The following DCBLD1 variants were observed in gnomAD, a reference collection of about 807,000 sequenced individuals.
DCBLD1 encodes the protein discoidin, CUB and LCCL domain containing 1.
DCBLD1 carries 57 observed loss-of-function variants against 71.5 expected under a neutral mutation model. That is an observed-to-expected ratio of 0.80 (90% CI 0.64 to 0.99). The LOEUF is 0.99. Ranked by LOEUF, DCBLD1 falls within the 50% of genes least tolerant of loss-of-function variation. The probability of loss-of-function intolerance (pLI) is 0.00; values close to 1 mark genes in which losing one functional copy is unlikely to be tolerated. For synonymous variants in DCBLD1, 380 were observed against 363.8 expected, an observed-to-expected ratio of 1.04 and a Z score of -0.51; for missense variants, 891 against 923.5, an observed-to-expected ratio of 0.96 and a Z score of 0.46.
intron 4 of DCBLD1, among the ~76,000 whole-genome samples, chr6:117,524,827 G>A (rs985680685): frequency 8.6e-5 from 13 of 151,970 alleles, no homozygotes; most frequent in African/African-American, 2.4e-4. Context: ...GTGACTACTC[G>A]AATATTTAAA....
At chr6:117,532,157 T>G (rs946439171) in intron 5 of DCBLD1, 103 bp from the exon 6 acceptor site, 8 of 1,479,722 alleles carry the variant, frequency 5.4e-6, no homozygotes, top group Non-Finnish European at 6.3e-6. Context: ...CTTTATTCAT[T>G]GGGGCCACTA....
At chr6:117,556,857 C>G (rs555095744) in intron 14 of DCBLD1, among the ~76,000 whole-genome samples, 1 of 152,170 alleles carries the variant, frequency 6.6e-6, no homozygotes, top group East Asian at 1.9e-4. Flanking sequence ...TAAGTGCTCC[C>G]TTTACTCTGT....
At chr6:117,528,821 A>G (rs1214618481) in intron 5 of DCBLD1, among the ~76,000 whole-genome samples, 1 of 152,184 alleles carries the variant, frequency 6.6e-6, no homozygotes, top group African/African-American at 2.4e-5. Flanking sequence ...ATCAAGTAAA[A>G]TGCATTAGGG....
rs1554262379 is a variant in DCBLD1, at chr6:117,482,936, A to AGGGGCGGGCTGAGGGCTGC, written c.112+53_112+71dup. On this transcript the variant is annotated intron_variant, in intron 1 of 14. Transcript: ENST00000338728. ...GGCTGGCGGCGGGACCCGAGGCGCC[A>AGGGGCGGGCTGAGGGCTGC]GGGGCGGGCTGAGGGCTGCGGGGCG... 4.3e-6 allele frequency: 5 copies of AGGGGCGGGCTGAGGGCTGC among 1,154,564 alleles called. No homozygotes were observed. The South Asian group carries it at 1.0e-4, about 24-fold the overall frequency. 71.5% of individuals were successfully genotyped at this position (1,154,564 alleles called of 1,614,324 possible). A position where few individuals can be genotyped will look rare whatever the true frequency, so the allele number is the denominator to read the frequency against.
intron 13 of DCBLD1, among the ~76,000 whole-genome samples, chr6:117,545,126 C>T (rs1052823423): frequency 2.0e-5 from 3 of 151,836 alleles, no homozygotes; most frequent in African/African-American, 4.8e-5. Flanking sequence ...ATTTGAGACT[C>T]CACCTCCCCA....
At position 117,540,843 on chromosome 6, in the gene DCBLD1, A is replaced by G; in HGVS notation, c.1249+28A>G. 3 of 1,614,152 alleles carry G rather than the reference A, an allele frequency of 1.9e-6. No individual in the cohort carries two copies. The South Asian group carries it at 3.3e-5, about 18-fold the overall frequency. ...AGGGCTCAGGGCAAGCCAGTGAGTT[A>G]CTCAAGTTTGGTCATATTTTTTTTC... On this transcript the variant is annotated intron_variant, in intron 10 of 14. Coordinates refer to ENST00000338728, the MANE Select transcript of DCBLD1 (RefSeq NM_001366458.2).
chr6:117,554,847 C>T (rs1362672628), intron 14 of DCBLD1, among the ~76,000 whole-genome samples: 2 of 149,786 alleles, frequency 1.3e-5, no homozygotes, highest in Non-Finnish European at 3.0e-5. Flanking sequence ...GAGCCGAGAT[C>T]GAGTCACTGC....
chr6:117,496,057 C>T (rs975637699), intron 1 of DCBLD1, among the ~76,000 whole-genome samples: 4 of 152,052 alleles, frequency 2.6e-5, no homozygotes, highest in African/African-American at 9.7e-5. Context: ...TTGACATATT[C>T]CTTGTGTTTC....
intron 14 of DCBLD1, 134 bp from the exon 15 acceptor site, chr6:117,547,773 C>A: frequency 6.5e-7 from 1 of 1,534,896 alleles, no homozygotes. Context: ...GGGTTTTCCG[C>A]AGTGCCTGGG....
chr6:117,537,621 T>TG (rs200184049), intron 7 of DCBLD1, among the ~76,000 whole-genome samples: 10,391 of 135,546 alleles, frequency 0.077, 658 homozygotes, highest in African/African-American at 0.19. Context: ...TTTAAAAGGT[T>TG]GTTTTTTTTT....
At chr6:117,539,520 C>G in intron 9 of DCBLD1, 141 bp downstream of exon 9, 1 of 958,230 alleles carries the variant, frequency 1.0e-6, no homozygotes, top group Non-Finnish European at 1.4e-6. Context: ...AATCCCCAAG[C>G]TTTGGGAAGC....
chr6:117,549,087 A>G lies in DCBLD1; in HGVS notation c.*648A>G. 3.7e-5 allele frequency: 36 copies of G among 985,920 alleles called. No homozygotes were observed. The highest frequency in any genetic ancestry group is 4.0e-5 in the Non-Finnish European group (33 of 830,328). 61.1% of individuals were successfully genotyped at this position (985,920 alleles called of 1,614,324 possible). ...TGTAGATTTAAAAACAAGCAAAGAA[A>G]CAACACCTCAGCAGCTGCCCGTTTC... On this transcript the variant is annotated 3_prime_UTR_variant, in exon 15 of 15. Transcript: ENST00000338728.
At position 117,566,937 on chromosome 6, in the gene DCBLD1, C is replaced by T. The variant is rs114794575; in HGVS notation, c.1616-2683C>T. 5.6e-5 allele frequency: 90 copies of T among 1,612,108 alleles called. 1 individual carries two copies. The East Asian group carries it at 1.1e-3, about 20-fold the overall frequency. On this transcript the variant is annotated intron_variant, in intron 14 of 14. Transcript: ENST00000296955. The stretch of plus-strand genomic sequence containing the variant: ...TCCTTCTAACTCATCAAGGTACAAA[C>T]GGTAACGATGTCCACTCTCATCTTC...
intron 11 of DCBLD1, among the ~76,000 whole-genome samples, chr6:117,542,650 G>A (rs1379033554): frequency 1.3e-5 from 2 of 152,158 alleles, no homozygotes; most frequent in East Asian, 3.9e-4. Flanking sequence ...CCAGAGCTCT[G>A]TAACGAGGAT....
At chr6:117,547,227 C>G (rs1300794885) in intron 14 of DCBLD1, among the ~76,000 whole-genome samples, 1 of 152,162 alleles carries the variant, frequency 6.6e-6, no homozygotes, top group African/African-American at 2.4e-5. Flanking sequence ...TGCTCTAACG[C>G]GTGGCTAACA....
chr6:117,508,233 T>A (rs1404245533), intron 2 of DCBLD1: 2 of 152,200 alleles, frequency 1.3e-5, no homozygotes, highest in Non-Finnish European at 2.9e-5. Context: ...AATTTGGAGA[T>A]TCAGACAAGT....
Position 117,567,141 on chromosome 6 carries a change from T to C in DCBLD1, c.1616-2479T>C, listed in dbSNP as rs143379490. On this transcript the variant is annotated intron_variant, in intron 14 of 14. Transcript: ENST00000296955. ...CTTAGGGGTAGAGAGATCTAAGAGA[T>C]AGCTGATTTCCAGAAAATAAATAAT... 49 of 667,266 alleles carry C rather than the reference T, an allele frequency of 7.3e-5. No homozygotes were observed. In the African/African-American group the frequency reaches 8.1e-4, roughly 11 times the overall value. The allele number at this position is 667,266 out of a possible 1,614,324, so 41.3% of individuals were successfully genotyped here.
chr6:117,521,382 T>C, intron 3 of DCBLD1, 143 bp from the exon 4 acceptor site: 1 of 657,004 alleles, frequency 1.5e-6, no homozygotes, highest in Non-Finnish European at 2.4e-6. Context: ...TTCTCAGTGT[T>C]TATTTTTAAA....
intron 14 of DCBLD1, chr6:117,569,556 C>T (rs927882127): frequency 6.2e-7 from 1 of 1,611,192 alleles, no homozygotes; most frequent in Non-Finnish European, 8.5e-7. Flanking sequence ...GTTCTAATTA[C>T]ATGAAGGGAA....
Sources: allele counts gnomAD v4.1 joint callset (sites outside exome capture counted in the v4.1 genomes callset), GRCh38; gene constraint gnomAD v4.1.1; transcripts MANE v1.5; gene names NCBI Gene and HGNC (gene_info 2026-07-23, HGNC 2026-07-21).